The following SMG6 variants were observed in gnomAD, a reference collection of about 807,000 sequenced individuals.
SMG6 encodes SMG6 nonsense mediated mRNA decay factor.
A neutral mutation model predicts 142.2 loss-of-function variants in SMG6; 66 were observed. That is an observed-to-expected ratio of 0.46 (90% CI 0.38 to 0.57). The LOEUF is 0.57. Ranked by LOEUF, SMG6 falls within the 20% of genes least tolerant of loss-of-function variation. The pLI, the probability that SMG6 is intolerant of heterozygous loss-of-function variation, is 0.00. For synonymous variants in SMG6, 779 were observed against 702.4 expected (o/e 1.11, Z -1.72); for missense variants, 1,793 against 1,832.0 (o/e 0.98, Z 0.39).
intron 15 of SMG6, among the ~76,000 whole-genome samples, chr17:2,072,166 C>T (rs1279729483): frequency 6.6e-6 from 1 of 152,100 alleles, no homozygotes; most frequent in Non-Finnish European, 1.5e-5. Flanking sequence ...TAAAAAGCTG[C>T]AGAAGCCTCT....
chr17:2,061,493 C>A lies in SMG6; in HGVS notation c.4259G>T (p.Ter1420LeuextTer14). 6.4e-7 allele frequency: 1 copy of A among 1,571,350 alleles called. No homozygotes were observed. ...PAFLTWAQVG* is the reference protein window; with the variant it reads ...PAFLTWAQVGL ...GGGGGGGGCCCCAGTGTGGCTCCCT[C>A]AGCCCACCTGGGCCCACGTGAGGAA... The change falls in exon 19 of 19, where the codon TGA becomes TTA. Residue 1420 changes from the stop codon to leucine, a stop_lost. Transcript: ENST00000263073.
In SMG6 at chr17:2,070,593, C is replaced by G. The variant is rs74402189; in HGVS notation, c.3682-1662G>C. Among the ~76,000 whole-genome samples the G allele has an allele frequency of 1.9e-3, 285 of 152,316 alleles. 2 individuals carry two copies. Among genetic ancestry groups the G allele is most frequent in the African/African-American group, 5.8e-3 (241 of 41,572 alleles). On this transcript the variant is annotated intron_variant, in intron 15 of 18. Transcript: ENST00000263073. Reference sequence around the variant, plus strand: ...ATGACAGTAAAACTGAAAGGGCATGCCTTCAAATGATGGGGGTGGCTTCTC... The same window carrying G: ...ATGACAGTAAAACTGAAAGGGCATGGCTTCAAATGATGGGGGTGGCTTCTC...
intron 13 of SMG6, among the ~76,000 whole-genome samples, chr17:2,153,148 A>T (rs745409297): frequency 3.9e-5 from 6 of 152,252 alleles, no homozygotes; most frequent in Non-Finnish European, 7.3e-5. Context: ...CTTTCTTAAA[A>T]TACTATGAGA....
intron 10 of SMG6, among the ~76,000 whole-genome samples, chr17:2,234,966 C>T (rs553833180): frequency 6.6e-6 from 1 of 152,320 alleles, no homozygotes; most frequent in South Asian, 2.1e-4. Context: ...GAGGCTGCAG[C>T]TCTGTGACAG....
At chr17:2,254,796 C>T (rs941331791) in intron 8 of SMG6, among the ~76,000 whole-genome samples, 3 of 152,150 alleles carry the variant, frequency 2.0e-5, no homozygotes, top group African/African-American at 7.2e-5. Context: ...CAGAGATAAT[C>T]CTTCCTCTAT....
rs151023974 is a variant in SMG6, at chr17:2,127,490, A to G, written c.3358-41589T>C. 8 of 714,868 alleles carry G rather than the reference A, an allele frequency of 1.1e-5. No homozygotes were observed. The African/African-American group carries it at 1.4e-4, about 13-fold the overall frequency. 44.3% of individuals were successfully genotyped at this position (714,868 alleles called of 1,614,324 possible). ...CACGTAAATATAGACCCTGCTAAAT[A>G]TTTAATATTATCAAGCTTGTATGAC... On this transcript the variant is annotated intron_variant, in intron 13 of 18. Coordinates refer to ENST00000263073, the MANE Select transcript of SMG6 (RefSeq NM_017575.5).
chr17:2,186,518 TATTCAAAAAAA>T, intron 12 of SMG6, 134 bp downstream of exon 12: 1 of 816,574 alleles, frequency 1.2e-6, no homozygotes, highest in Non-Finnish European at 1.9e-6. Context: ...ATAGGGAAGG[TATTCAAAAAAA>T]GTTCAAATAA....
At chr17:2,135,275 T>A (rs535296160) in intron 13 of SMG6, among the ~76,000 whole-genome samples, 1 of 152,250 alleles carries the variant, frequency 6.6e-6, no homozygotes, top group East Asian at 1.9e-4. Context: ...AACAATCAAA[T>A]TGGACTATGT....
intron 12 of SMG6, among the ~76,000 whole-genome samples, chr17:2,173,724 C>T (rs1396896790): frequency 6.6e-6 from 1 of 151,488 alleles, no homozygotes; most frequent in African/African-American, 2.4e-5. Context: ...TCTGGCTCTC[C>T]TTAATTGAAA....
chr17:2,076,585 C>T (rs1311682931), intron 15 of SMG6, among the ~76,000 whole-genome samples: 2 of 152,210 alleles, frequency 1.3e-5, no homozygotes, highest in African/African-American at 4.8e-5. Flanking sequence ...TTTACAGCCA[C>T]CTCGGCACAG....
intron 12 of SMG6, among the ~76,000 whole-genome samples, chr17:2,180,149 T>C (rs936750654): frequency 6.6e-6 from 1 of 152,198 alleles, no homozygotes; most frequent in Non-Finnish European, 1.5e-5. Flanking sequence ...ACGACTTTCC[T>C]TGTGCTCACT....
At chr17:2,242,687 TTTA>T (rs1310484491) in intron 9 of SMG6, among the ~76,000 whole-genome samples, 4,284 of 45,066 alleles carry the variant, frequency 0.095, 348 homozygotes, top group African/African-American at 0.31. Flanking sequence ...GCTCCATCTC[TTTA>T]AAAAAAAAAA....
chr17:2,207,214 G>A (rs1215580187), intron 10 of SMG6, among the ~76,000 whole-genome samples: 2 of 151,842 alleles, frequency 1.3e-5, no homozygotes, highest in African/African-American at 2.4e-5. Flanking sequence ...CTTGAACTCA[G>A]GAAGCAGTGA....
At chr17:2,285,993 T>G (rs2074896499) in intron 6 of SMG6, among the ~76,000 whole-genome samples, 1 of 151,508 alleles carries the variant, frequency 6.6e-6, no homozygotes, top group Admixed American at 6.6e-5. Context: ...TCTAAAAAAA[T>G]AGAGAGAAAG....
At chr17:2,174,276 G>A (rs2071594683) in intron 12 of SMG6, among the ~76,000 whole-genome samples, 1 of 152,182 alleles carries the variant, frequency 6.6e-6, no homozygotes, top group African/African-American at 2.4e-5. Flanking sequence ...CCCCAGTGGA[G>A]TTACTGCCTA....
At chr17:2,259,324 T>G (rs1275727725) in intron 8 of SMG6, among the ~76,000 whole-genome samples, 2 of 151,738 alleles carry the variant, frequency 1.3e-5, no homozygotes, top group Non-Finnish European at 2.9e-5. Context: ...TCAAATAGTA[T>G]CAGTAAGAAG....
intron 10 of SMG6, among the ~76,000 whole-genome samples, chr17:2,189,082 T>G (rs1244839447): frequency 6.6e-6 from 1 of 152,210 alleles, no homozygotes; most frequent in Non-Finnish European, 1.5e-5. Context: ...TAACCTACTT[T>G]CATGGAATGA....
chr17:2,171,848 G>T lies in SMG6; in HGVS notation c.3357+810C>A, dbSNP rs74963209. ...CCTCCCCAAAGGCCTGTCCCCAGGG[G>T]ATGTGATCCTCACTACTCTGCAGAG... On this transcript the variant is annotated intron_variant, in intron 13 of 18. Transcript: ENST00000263073. Among the ~76,000 whole-genome samples the T allele has an allele frequency of 3.4e-3, 514 of 152,006 alleles. 12 individuals are homozygous for T. In the East Asian group the frequency reaches 0.064, roughly 19 times the overall value.
At chr17:2,167,021 G>A (rs8066635) in intron 13 of SMG6, among the ~76,000 whole-genome samples, 4,297 of 151,534 alleles carry the variant, frequency 0.028, 84 homozygotes, top group Non-Finnish European at 0.046. Context: ...TCCCAGCTAC[G>A]CGGGGGGCTG....
Sources: gnomAD v4.1 joint callset for allele counts (sites outside exome capture counted in the v4.1 genomes callset) on GRCh38, gnomAD v4.1.1 for gene constraint, MANE v1.5 for transcripts, NCBI Gene and HGNC (gene_info 2026-07-23, HGNC 2026-07-21) for gene names.